Variants in DNAJC1 observed in about 807,000 individuals in gnomAD.
DNAJC1 encodes the protein DnaJ heat shock protein family (Hsp40) member C1, also known as dnaJ homolog subfamily C member 1.
A neutral mutation model predicts 76.6 loss-of-function variants in DNAJC1; 58 were observed. The observed-to-expected ratio is 0.76, with a 90% CI of 0.61 to 0.94. DNAJC1 has a LOEUF of 0.94. DNAJC1 is among the 40% of genes least tolerant of loss of function. The pLI is 0.00. For missense variants in DNAJC1, 689 were observed against 677.3 expected, an observed-to-expected ratio of 1.02 and a Z score of -0.19; for synonymous variants, 258 against 267.9, an observed-to-expected ratio of 0.96 and a Z score of 0.36.
intron 3 of DNAJC1, among the ~76,000 whole-genome samples, chr10:21,925,681 C>T (rs1002683830): frequency 6.6e-6 from 1 of 152,122 alleles, no homozygotes; most frequent in African/African-American, 2.4e-5. Context: ...AAGCCAGATA[C>T]AAAAAACTAC....
At chr10:21,837,094 G>A (rs1032951195) in intron 8 of DNAJC1, among the ~76,000 whole-genome samples, 1 of 152,210 alleles carries the variant, frequency 6.6e-6, no homozygotes, top group Non-Finnish European at 1.5e-5. Flanking sequence ...TATTTTTTTG[G>A]TGGAGATGGG....
At chr10:21,768,649 T>G (rs1379755433) in intron 9 of DNAJC1, among the ~76,000 whole-genome samples, 1 of 152,190 alleles carries the variant, frequency 6.6e-6, no homozygotes, top group Non-Finnish European at 1.5e-5. Context: ...TGGAAACACT[T>G]TTCAATTTTG....
intron 1 of DNAJC1, among the ~76,000 whole-genome samples, chr10:21,973,742 A>AG (rs1039469263): frequency 1.5e-4 from 13 of 84,048 alleles, no homozygotes; most frequent in African/African-American, 4.4e-4. Context: ...CTACTTAAAA[A>AG]AAAAAAAGAA....
intron 1 of DNAJC1, among the ~76,000 whole-genome samples, chr10:22,002,828 G>A (rs927396619): frequency 6.6e-6 from 1 of 151,648 alleles, no homozygotes; most frequent in Non-Finnish European, 1.5e-5. Context: ...ACATTCAGGG[G>A]GACAGGAAGG....
chr10:21,847,704 A>G (rs767940163), intron 8 of DNAJC1, among the ~76,000 whole-genome samples: 2 of 152,120 alleles, frequency 1.3e-5, no homozygotes, highest in Non-Finnish European at 2.9e-5. Context: ...CTTCTTGTGC[A>G]TGGCTTATTA....
At chr10:21,901,275 A>G (rs1023125443) in intron 7 of DNAJC1, among the ~76,000 whole-genome samples, 4 of 152,158 alleles carry the variant, frequency 2.6e-5, no homozygotes, top group Admixed American at 1.3e-4. Flanking sequence ...GTTTACTTCT[A>G]TCCTTTCCTT....
chr10:21,816,137 G>A (rs1589992824), intron 8 of DNAJC1, among the ~76,000 whole-genome samples: 1 of 151,284 alleles, frequency 6.6e-6, no homozygotes, highest in Admixed American at 6.6e-5. Flanking sequence ...GTGGGCTGAG[G>A]CGGGGGGATC....
intron 1 of DNAJC1, among the ~76,000 whole-genome samples, chr10:21,963,867 T>C (rs1837843988): frequency 6.6e-6 from 1 of 152,230 alleles, no homozygotes; most frequent in African/African-American, 2.4e-5. Context: ...TTTCTTTCCT[T>C]TCCTTTCTTG....
intron 1 of DNAJC1, among the ~76,000 whole-genome samples, chr10:21,973,957 C>T (rs1350290327): frequency 6.6e-6 from 1 of 151,430 alleles, no homozygotes; most frequent in Non-Finnish European, 1.5e-5. Flanking sequence ...ACAAAATCGG[C>T]CGGACCTGGA....
At chr10:21,786,491 G>GAT (rs1834612868) in intron 9 of DNAJC1, among the ~76,000 whole-genome samples, 1 of 143,084 alleles carries the variant, frequency 7.0e-6, no homozygotes, top group Non-Finnish European at 1.5e-5. Context: ...GAGAGAGAGA[G>GAT]AGAGAGAGAG....
chr10:21,952,029 T>A (rs914708895), intron 1 of DNAJC1, among the ~76,000 whole-genome samples: 11 of 152,332 alleles, frequency 7.2e-5, no homozygotes, highest in African/African-American at 2.6e-4. Flanking sequence ...TTTAGCTGAC[T>A]ATACATCCTG....
chr10:21,930,275 G>A (rs1675686339), intron 1 of DNAJC1, among the ~76,000 whole-genome samples: 2 of 152,112 alleles, frequency 1.3e-5, no homozygotes, highest in Admixed American at 6.5e-5. Context: ...GCGCCTGGCT[G>A]GGGTTTAAAA....
chr10:21,920,818 T>C lies in DNAJC1; in HGVS notation c.517A>G (p.Ile173Val), dbSNP rs1564827670. Residue 173 changes from isoleucine (I) to valine (V), a missense_variant, in exon 4 of 12, where the codon ATC becomes GTC. By Grantham distance (29) the Ile-to-Val change is conservative (BLOSUM62 3). Coordinates refer to ENST00000376980, the MANE Select transcript of DNAJC1 (RefSeq NM_022365.4). ...CTTACCAGTTGTTTTTCCAGGTAGA[T>C]TGACCAAACCACAGCATAATGACCC... ...TVGHYAVVWS[I>V]YLEKQLDELL... 12 of 1,610,984 alleles carry C rather than the reference T, an allele frequency of 7.4e-6. No individual in the cohort carries two copies. Among genetic ancestry groups the C allele is most frequent in the African/African-American group, 2.7e-5 (2 of 74,812 alleles).
intron 8 of DNAJC1, among the ~76,000 whole-genome samples, chr10:21,829,400 T>C (rs1196852603): frequency 6.6e-6 from 1 of 152,174 alleles, no homozygotes; most frequent in Non-Finnish European, 1.5e-5. Context: ...GTATTTTTAG[T>C]AGAGATGGGG....
chr10:21,823,015 T>C (rs1443200886), intron 8 of DNAJC1, among the ~76,000 whole-genome samples: 4 of 152,092 alleles, frequency 2.6e-5, no homozygotes, highest in Admixed American at 2.0e-4. Flanking sequence ...AGAAGGTCTG[T>C]GTAATTTACA....
intron 6 of DNAJC1, among the ~76,000 whole-genome samples, chr10:21,913,548 T>C (rs1327484283): frequency 6.6e-6 from 1 of 152,208 alleles, no homozygotes; most frequent in Non-Finnish European, 1.5e-5. Context: ...ATTGAAAATA[T>C]GCACAGAGCA....
intron 8 of DNAJC1, among the ~76,000 whole-genome samples, chr10:21,833,334 G>A (rs1835392608): frequency 6.6e-6 from 1 of 152,014 alleles, no homozygotes; most frequent in African/African-American, 2.4e-5. Context: ...AGCTGGGCAT[G>A]GTGACGGGCG....
At chr10:21,776,114 T>C (rs1297722335) in intron 9 of DNAJC1, among the ~76,000 whole-genome samples, 1 of 152,170 alleles carries the variant, frequency 6.6e-6, no homozygotes, top group Non-Finnish European at 1.5e-5. Flanking sequence ...GCATTCCCTC[T>C]ACTAAAAACA....
At position 21,826,606 on chromosome 10, in the gene DNAJC1, T is replaced by G. The variant is rs113733162; in HGVS notation, c.979-20507A>C. 2.3e-3 allele frequency among the ~76,000 whole-genome samples: 352 copies of G among 152,366 alleles called. 1 individual carries two copies. Among genetic ancestry groups the G allele is most frequent in the African/African-American group, 8.0e-3 (332 of 41,586 alleles). ...GCAATGTCAAGAAGCTTTCCTTCTATGTTTTCTTCTACTAGTTTTATAATT... is the reference window on the plus strand; with the variant it reads ...GCAATGTCAAGAAGCTTTCCTTCTAGGTTTTCTTCTACTAGTTTTATAATT... On this transcript the variant is annotated intron_variant, in intron 8 of 11. Coordinates refer to ENST00000376980, the MANE Select transcript of DNAJC1 (RefSeq NM_022365.4).
Sources: allele counts gnomAD v4.1 joint callset (sites outside exome capture counted in the v4.1 genomes callset), GRCh38; gene constraint gnomAD v4.1.1; transcripts MANE v1.5; gene names NCBI Gene and HGNC (gene_info 2026-07-23, HGNC 2026-07-21).